The following AUTS2 variants were observed in gnomAD, a reference collection of about 807,000 sequenced individuals.
The protein encoded by AUTS2 is autism susceptibility gene 2 protein.
AUTS2 carries 17 observed loss-of-function variants against 112.4 expected under a neutral mutation model. The ratio of observed to expected loss-of-function variants is 0.15; its 90% CI spans 0.10 to 0.23. The LOEUF (loss-of-function observed/expected upper bound fraction) is 0.23. Ranked by LOEUF, AUTS2 falls within the 10% of genes least tolerant of loss-of-function variation. The pLI is 1.00. For missense variants in AUTS2, 1,510 were observed against 1,701.6 expected, an observed-to-expected ratio of 0.89 and a Z score of 1.98; for synonymous variants, 751 against 702.7, an observed-to-expected ratio of 1.07 and a Z score of -1.09.
At chr7:70,483,146 A>G (rs1041765097) in intron 5 of AUTS2, among the ~76,000 whole-genome samples, 1 of 152,038 alleles carries the variant, frequency 6.6e-6, no homozygotes, top group African/African-American at 2.4e-5. Context: ...TGAATTTGAG[A>G]GCTCTGCTCC....
chr7:69,859,701 G>A (rs1034986167), intron 1 of AUTS2, among the ~76,000 whole-genome samples: 86 of 152,186 alleles, frequency 5.7e-4, no homozygotes, highest in Non-Finnish European at 1.6e-4. Flanking sequence ...GCTGGGTTGT[G>A]CAGGATACTT....
At chr7:70,371,814 G>C (rs1462216427) in intron 4 of AUTS2, among the ~76,000 whole-genome samples, 1 of 152,106 alleles carries the variant, frequency 6.6e-6, no homozygotes, top group Non-Finnish European at 1.5e-5. Context: ...GTGTTGATTT[G>C]AACACGTGCC....
intron 1 of AUTS2, among the ~76,000 whole-genome samples, chr7:69,863,874 G>A (rs202098701): frequency 6.6e-6 from 1 of 152,204 alleles, no homozygotes; most frequent in South Asian, 2.1e-4. Context: ...CCGTTGGGTA[G>A]GGGAGAGGCT....
intron 1 of AUTS2, among the ~76,000 whole-genome samples, chr7:69,756,553 C>T (rs1449380661): frequency 6.6e-6 from 1 of 151,912 alleles, no homozygotes; most frequent in Non-Finnish European, 1.5e-5. Flanking sequence ...TTCTCCAGGC[C>T]AGACAACTCC....
At chr7:70,745,036 AT>A (rs11304648) in intron 6 of AUTS2, among the ~76,000 whole-genome samples, 74,375 of 149,642 alleles carry the variant, frequency 0.5, 21,171 homozygotes, top group African/African-American at 0.77. Flanking sequence ...ATAATTAGCA[AT>A]TTTTTTTTTT....
intron 1 of AUTS2, among the ~76,000 whole-genome samples, chr7:69,629,510 A>G (rs981038218): frequency 6.6e-6 from 1 of 152,172 alleles, no homozygotes; most frequent in Non-Finnish European, 1.5e-5. Flanking sequence ...TTCAGCACCC[A>G]AGCCATATTG....
intron 5 of AUTS2, among the ~76,000 whole-genome samples, chr7:70,609,845 T>C (rs1449708756): frequency 6.6e-6 from 1 of 152,234 alleles, no homozygotes; most frequent in Non-Finnish European, 1.5e-5. Context: ...TTGGCTAATA[T>C]GAATAATGCT....
intron 5 of AUTS2, among the ~76,000 whole-genome samples, chr7:70,570,329 T>G (rs1009500357): frequency 6.6e-6 from 1 of 152,246 alleles, no homozygotes; most frequent in Non-Finnish European, 1.5e-5. Context: ...GCATCTTGTC[T>G]GTAGGTATTC....
intron 1 of AUTS2, among the ~76,000 whole-genome samples, chr7:69,796,600 A>G (rs1398367905): frequency 6.6e-6 from 1 of 151,904 alleles, no homozygotes; most frequent in African/African-American, 2.4e-5. Context: ...AGAATTGGAC[A>G]TTTTTGTGGT....
At chr7:70,728,656 C>T (rs912993858) in intron 6 of AUTS2, among the ~76,000 whole-genome samples, 4 of 144,052 alleles carry the variant, frequency 2.8e-5, no homozygotes, top group Non-Finnish European at 4.5e-5. Flanking sequence ...TGCAGTGAGC[C>T]ATGATTGTGC....
chr7:70,703,087 C>T lies in AUTS2; in HGVS notation c.742+4467C>T, dbSNP rs190636140. Among the ~76,000 whole-genome samples the T allele has an allele frequency of 2.7e-3, 407 of 152,296 alleles. 1 individual carries two copies. The highest frequency in any genetic ancestry group is 4.8e-3 in the Non-Finnish European group (325 of 68,030). On this transcript the variant is annotated intron_variant, in intron 6 of 18. Transcript: ENST00000342771. Reference sequence around the variant, plus strand: ...TAACCAGGTACCTAATAAATTCTTCCATGGCGACCATATGACCTTATTCTT... The same window carrying T: ...TAACCAGGTACCTAATAAATTCTTCTATGGCGACCATATGACCTTATTCTT...
intron 5 of AUTS2, among the ~76,000 whole-genome samples, chr7:70,511,556 A>ATTT (rs1799189711): frequency 2.4e-5 from 1 of 41,766 alleles, no homozygotes; most frequent in Non-Finnish European, 5.2e-5. Flanking sequence ...ACTTTTTTTC[A>ATTT]TTTTCTTTTT....
At chr7:70,771,324 G>A (rs970791559) in intron 10 of AUTS2, 11 of 367,206 alleles carry the variant, frequency 3.0e-5, no homozygotes, top group Admixed American at 4.4e-5. Context: ...GCCCTCACCC[G>A]GGATGTCATT....
chr7:69,993,140 G>A (rs1345673823), intron 2 of AUTS2, among the ~76,000 whole-genome samples: 1 of 152,190 alleles, frequency 6.6e-6, no homozygotes, highest in African/African-American at 2.4e-5. Context: ...CAGAGACAAA[G>A]ACGATGACTG....
At chr7:70,779,249 C>A (rs1465414747) in intron 14 of AUTS2, among the ~76,000 whole-genome samples, 1 of 152,184 alleles carries the variant, frequency 6.6e-6, no homozygotes, top group East Asian at 1.9e-4. Context: ...TTATAGCATT[C>A]CCTGTAGATT....
At chr7:69,735,243 G>A (rs1446155535) in intron 1 of AUTS2, among the ~76,000 whole-genome samples, 1 of 152,188 alleles carries the variant, frequency 6.6e-6, no homozygotes, top group Non-Finnish European at 1.5e-5. Context: ...GAATGAGAAA[G>A]CACCTGAGGA....
intron 1 of AUTS2, among the ~76,000 whole-genome samples, chr7:69,662,177 CTT>C (rs548089445): frequency 1.8e-4 from 25 of 139,848 alleles, no homozygotes; most frequent in Admixed American, 2.9e-4. Flanking sequence ...GTATTCAGAG[CTT>C]TTTTTTTTTT....
chr7:69,710,812 G>A (rs985277393), intron 1 of AUTS2, among the ~76,000 whole-genome samples: 3 of 152,196 alleles, frequency 2.0e-5, no homozygotes, highest in Admixed American at 2.0e-4. Context: ...AAATGTTGCA[G>A]GTACATGTGG....
chr7:69,622,633 C>T (rs142766159), intron 1 of AUTS2, among the ~76,000 whole-genome samples: 7 of 152,286 alleles, frequency 4.6e-5, no homozygotes, highest in African/African-American at 1.7e-4. Context: ...CCCAGAATCC[C>T]ATGTGGCCAC....
Sources: gnomAD v4.1 joint callset for allele counts (sites outside exome capture counted in the v4.1 genomes callset) on GRCh38, gnomAD v4.1.1 for gene constraint, MANE v1.5 for transcripts, NCBI Gene and HGNC (gene_info 2026-07-23, HGNC 2026-07-21) for gene names.